The following RAPGEF6 variants were observed in gnomAD, a reference collection of about 807,000 sequenced individuals.
RAPGEF6 encodes PDZ domain containing guanine nucleotide exchange factor (GEF) 2.
RAPGEF6 carries 56 observed loss-of-function variants against 171.4 expected under a neutral mutation model. That is an observed-to-expected ratio of 0.33 (90% CI 0.26 to 0.41). The LOEUF is 0.41. Among genes scored for constraint, RAPGEF6 ranks in the 10% least tolerant of loss-of-function variants. RAPGEF6 has a pLI of 1.00. For synonymous variants in RAPGEF6, 692 were observed against 650.1 expected (o/e 1.06, Z -0.98); for missense variants, 1,674 against 1,921.4 (o/e 0.87, Z 2.41).
intron 15 of RAPGEF6, 131 bp from the exon 16 acceptor site, chr5:131,479,884 C>CTTGACAGTGTTTAGT: frequency 3.3e-6 from 3 of 919,044 alleles, no homozygotes; most frequent in Non-Finnish European, 4.8e-6. Context: ...CAACTAAACA[C>CTTGACAGTGTTTAGT]TGTCAAGTAT....
intron 1 of RAPGEF6, among the ~76,000 whole-genome samples, chr5:131,625,477 C>G (rs1324015472): frequency 6.6e-6 from 1 of 152,036 alleles, no homozygotes; most frequent in East Asian, 1.9e-4. Flanking sequence ...GGTCCAGGAC[C>G]TTATCTCACA....
intron 10 of RAPGEF6, 145 bp downstream of exon 10, chr5:131,505,219 A>G (rs1156885283): frequency 2.4e-5 from 18 of 754,898 alleles, no homozygotes; most frequent in Non-Finnish European, 3.6e-5. Context: ...TTTGAGGCAG[A>G]TACAAAATCT....
chr5:131,585,418 T>G (rs1319685243), intron 4 of RAPGEF6, among the ~76,000 whole-genome samples: 1 of 152,148 alleles, frequency 6.6e-6, no homozygotes, highest in Non-Finnish European at 1.5e-5. Flanking sequence ...AGCTGGAAAC[T>G]GCTTAGGGCA....
chr5:131,443,960 AC>A (rs1384911493), intron 22 of RAPGEF6, among the ~76,000 whole-genome samples: 1 of 152,214 alleles, frequency 6.6e-6, no homozygotes, highest in Non-Finnish European at 1.5e-5. Context: ...AAAACTGAGA[AC>A]CCTTACTTAT....
At chr5:131,431,563 A>C (rs1475861489) in intron 25 of RAPGEF6, among the ~76,000 whole-genome samples, 1 of 152,140 alleles carries the variant, frequency 6.6e-6, no homozygotes, top group African/African-American at 2.4e-5. Context: ...AGAAACTCTA[A>C]TGCTTAGCAA....
At position 131,635,214 on chromosome 5, in the gene RAPGEF6, G is replaced by C. The variant is rs1580714273; in HGVS notation, c.-184C>G. On this transcript the variant is annotated 5_prime_UTR_variant, in exon 1 of 28. Transcript: ENST00000509018. ...CTAAGGCCTCTACCCACGCGCGACT[G>C]GCCGGAGACAAGTCTGCGCGGGGGC... is the stretch of plus-strand genomic sequence containing the variant. The C allele has an allele frequency of 1.7e-6, 1 of 590,848 alleles. No homozygotes were observed. Among genetic ancestry groups the C allele is most frequent in the Non-Finnish European group, 2.9e-6 (1 of 348,202 alleles). 36.6% of individuals were successfully genotyped at this position (590,848 alleles called of 1,614,324 possible).
At chr5:131,593,530 G>C (rs1763711387) in intron 3 of RAPGEF6, among the ~76,000 whole-genome samples, 1 of 152,202 alleles carries the variant, frequency 6.6e-6, no homozygotes, top group Non-Finnish European at 1.5e-5. Flanking sequence ...GAAAAAGACA[G>C]AAAAGATGTG....
At chr5:131,622,384 AGACT>A (rs1765643850) in intron 1 of RAPGEF6, among the ~76,000 whole-genome samples, 1 of 152,270 alleles carries the variant, frequency 6.6e-6, no homozygotes, top group African/African-American at 2.4e-5. Context: ...TGCAAGGGAC[AGACT>A]GACTGTGAAC....
intron 4 of RAPGEF6, among the ~76,000 whole-genome samples, chr5:131,568,094 C>G (rs1361316730): frequency 6.6e-6 from 1 of 152,148 alleles, no homozygotes; most frequent in East Asian, 1.9e-4. Flanking sequence ...CTGTATACAG[C>G]AGATAATAGG....
intron 17 of RAPGEF6, among the ~76,000 whole-genome samples, chr5:131,468,450 G>A (rs1754526197): frequency 6.6e-6 from 1 of 151,572 alleles, no homozygotes. Flanking sequence ...TTCAATCAGA[G>A]ATGAAGTTTC....
chr5:131,449,515 T>C (rs528980146), intron 21 of RAPGEF6, among the ~76,000 whole-genome samples: 2 of 152,268 alleles, frequency 1.3e-5, no homozygotes, highest in African/African-American at 4.8e-5. Context: ...TATATTTATA[T>C]GATATATTTA....
chr5:131,493,624 C>T (rs971159869), intron 13 of RAPGEF6, among the ~76,000 whole-genome samples: 1 of 152,036 alleles, frequency 6.6e-6, no homozygotes, highest in Non-Finnish European at 1.5e-5. Context: ...TTTCAATTAT[C>T]TCAAATAGTG....
intron 3 of RAPGEF6, among the ~76,000 whole-genome samples, chr5:131,594,553 C>T (rs1419670857): frequency 6.6e-6 from 1 of 152,156 alleles, no homozygotes; most frequent in Admixed American, 6.5e-5. Flanking sequence ...AGTGGAGCTG[C>T]GAAAAGGGGG....
rs182459226 is a variant in RAPGEF6, at chr5:131,552,553, C to T, written c.352-4363G>A. 6.1e-4 allele frequency among the ~76,000 whole-genome samples: 92 copies of T among 151,940 alleles called. No homozygotes were observed. The East Asian group carries it at 0.015, about 24-fold the overall frequency. ...TTGGCCCACTGCAACCTTCACCTCC[C>T]AGGTTCAAGTGATTCTCCTGCCTCA... On this transcript the variant is annotated intron_variant, in intron 5 of 27. Coordinates refer to ENST00000509018, the MANE Select transcript of RAPGEF6 (RefSeq NM_016340.6).
chr5:131,577,888 C>T (rs1360399757), intron 4 of RAPGEF6, among the ~76,000 whole-genome samples: 1 of 152,168 alleles, frequency 6.6e-6, no homozygotes, highest in Admixed American at 6.5e-5. Flanking sequence ...TAGGTCTATT[C>T]GTCCTTACCC....
At chr5:131,513,963 G>A (rs895205508) in intron 7 of RAPGEF6, among the ~76,000 whole-genome samples, 2 of 152,200 alleles carry the variant, frequency 1.3e-5, no homozygotes, top group African/African-American at 4.8e-5. Context: ...TGGAGGCAGA[G>A]GCTGCAGTGA....
chr5:131,622,355 C>A (rs552020891), intron 1 of RAPGEF6, among the ~76,000 whole-genome samples: 1 of 152,304 alleles, frequency 6.6e-6, no homozygotes, highest in Admixed American at 6.5e-5. Context: ...CCTGACTACA[C>A]GACAAAAATC....
At chr5:131,580,251 G>A (rs1483900660) in intron 4 of RAPGEF6, among the ~76,000 whole-genome samples, 5 of 152,180 alleles carry the variant, frequency 3.3e-5, no homozygotes, top group African/African-American at 9.7e-5. Context: ...GGGAACCAGC[G>A]CCTCCTCCAC....
intron 1 of RAPGEF6, among the ~76,000 whole-genome samples, chr5:131,606,521 G>A (rs1017995881): frequency 3.3e-5 from 5 of 152,184 alleles, no homozygotes; most frequent in Non-Finnish European, 5.9e-5. Flanking sequence ...GATTTGAATA[G>A]GTTAAAAGAA....
Sources: allele counts gnomAD v4.1 joint callset (sites outside exome capture counted in the v4.1 genomes callset), GRCh38; gene constraint gnomAD v4.1.1; transcripts MANE v1.5; gene names NCBI Gene and HGNC (gene_info 2026-07-23, HGNC 2026-07-21).